The following SHC4 variants were observed in gnomAD, a reference collection of about 807,000 sequenced individuals.
SHC4 encodes SHC-transforming protein 4.
SHC4 carries 41 observed loss-of-function variants against 69.4 expected under a neutral mutation model. The observed-to-expected ratio is 0.59, with a 90% CI of 0.46 to 0.77. The LOEUF is 0.77. Ranked by LOEUF, SHC4 falls within the 30% of genes least tolerant of loss-of-function variation. The probability of loss-of-function intolerance (pLI) is 0.00; values close to 1 mark genes in which losing one functional copy is unlikely to be tolerated. For missense variants in SHC4, 777 were observed against 783.8 expected (o/e 0.99, Z 0.10); for synonymous variants, 318 against 299.3 (o/e 1.06, Z -0.64).
At chr15:48,903,295 A>G (rs2141012599) in intron 2 of SHC4, among the ~76,000 whole-genome samples, 1 of 152,326 alleles carries the variant, frequency 6.6e-6, no homozygotes, top group South Asian at 2.1e-4. Flanking sequence ...TACTTTGGCC[A>G]CAAAGCTCTC....
At chr15:48,937,306 T>C (rs1048867445) in intron 1 of SHC4, among the ~76,000 whole-genome samples, 1 of 152,148 alleles carries the variant, frequency 6.6e-6, no homozygotes, top group Non-Finnish European at 1.5e-5. Context: ...AAGTGAATTC[T>C]CTCACCTTGG....
At chr15:48,874,309 G>C (rs919926260) in intron 4 of SHC4, among the ~76,000 whole-genome samples, 1 of 152,100 alleles carries the variant, frequency 6.6e-6, no homozygotes. Context: ...GCAGCAGTCA[G>C]CCAGAAATCA....
At chr15:48,935,789 G>C (rs566973020) in intron 1 of SHC4, among the ~76,000 whole-genome samples, 1 of 152,292 alleles carries the variant, frequency 6.6e-6, no homozygotes, top group East Asian at 1.9e-4. Context: ...TGGACAGAGA[G>C]ATGAGCTGCT....
At chr15:48,875,727 G>T (rs553691176) in intron 4 of SHC4, among the ~76,000 whole-genome samples, 1 of 152,144 alleles carries the variant, frequency 6.6e-6, no homozygotes, top group East Asian at 1.9e-4. Flanking sequence ...ATTTTGCATC[G>T]GTATATGCAT....
chr15:48,948,918 T>C (rs1901321373), intron 1 of SHC4, among the ~76,000 whole-genome samples: 1 of 151,576 alleles, frequency 6.6e-6, no homozygotes, highest in Admixed American at 6.6e-5. Context: ...AAAAGAAAAA[T>C]CACACACCTC....
intron 3 of SHC4, among the ~76,000 whole-genome samples, chr15:48,885,166 G>A (rs2141003039): frequency 6.6e-6 from 1 of 152,284 alleles, no homozygotes; most frequent in African/African-American, 2.4e-5. Flanking sequence ...GGGGTACCCA[G>A]GAATTATAAA....
intron 2 of SHC4, among the ~76,000 whole-genome samples, chr15:48,891,619 T>C: frequency 6.6e-6 from 1 of 152,200 alleles, no homozygotes; most frequent in East Asian, 1.9e-4. Context: ...TGAACACATA[T>C]ATTAAACTTC....
chr15:48,880,169 T>C (rs987406356), intron 4 of SHC4: 6 of 167,064 alleles, frequency 3.6e-5, no homozygotes, highest in African/African-American at 1.4e-4. Flanking sequence ...GAATATCCAA[T>C]GCAACAGGAC....
At chr15:48,841,582 C>T (rs967946957) in intron 10 of SHC4, among the ~76,000 whole-genome samples, 17 of 152,180 alleles carry the variant, frequency 1.1e-4, no homozygotes, top group Admixed American at 3.9e-4. Context: ...GGGCTATATA[C>T]GCTCAGCCAT....
chr15:48,908,179 G>A (rs754244831), intron 2 of SHC4, among the ~76,000 whole-genome samples: 6 of 152,082 alleles, frequency 3.9e-5, no homozygotes, highest in African/African-American at 7.2e-5. Flanking sequence ...CAGTGTAGAC[G>A]TGTTCCCTCT....
Position 48,962,800 on chromosome 15 carries a change from G to A in SHC4, c.216C>T (p.Ala72=). 1.2e-6 allele frequency: 2 copies of A among 1,612,602 alleles called. No individual in the cohort carries two copies. The highest frequency in any genetic ancestry group is 1.7e-6 in the Non-Finnish European group (2 of 1,179,894). Reference sequence around the variant, plus strand: ...TGGGGCTCTCCTGCGACGGCAAGGTGGCATCTTCAGTCGGCAGGTGAGGTG... The same window carrying A: ...TGGGGCTCTCCTGCGACGGCAAGGTAGCATCTTCAGTCGGCAGGTGAGGTG... The part of the protein sequence containing the change: ...ALAPHLPTED[A]TLPSQESPTP... The change falls in exon 1 of 12, where the codon GCC becomes GCT. Residue 72 remains alanine, a synonymous_variant. Coordinates refer to ENST00000332408, the MANE Select transcript of SHC4 (RefSeq NM_203349.4).
At chr15:48,913,125 A>G (rs886813902) in intron 2 of SHC4, among the ~76,000 whole-genome samples, 1 of 150,496 alleles carries the variant, frequency 6.6e-6, no homozygotes, top group Non-Finnish European at 1.5e-5. Flanking sequence ...TAGTATAGAG[A>G]GGAGCCCTTA....
In SHC4 at chr15:48,856,684, A is replaced by G. The variant is rs1899322494; in HGVS notation, c.1071-560T>C. Among the ~76,000 whole-genome samples, 2 of 152,042 alleles carry G rather than the reference A, an allele frequency of 1.3e-5. 1 individual carries two copies. The highest frequency in any genetic ancestry group is 4.2e-4 in the South Asian group (2 of 4,810). Reference sequence around the variant, plus strand: ...ATATGTGGCAAGTGGGTAGATTTATATAAACATGGAATTGTTTTTAAAATT... The same window carrying G: ...ATATGTGGCAAGTGGGTAGATTTATGTAAACATGGAATTGTTTTTAAAATT... On this transcript the variant is annotated intron_variant, in intron 7 of 11. Coordinates refer to ENST00000332408, the MANE Select transcript of SHC4 (RefSeq NM_203349.4).
chr15:48,948,108 C>T (rs916143249), intron 1 of SHC4: 4 of 152,244 alleles, frequency 2.6e-5, no homozygotes, highest in African/African-American at 9.6e-5. Flanking sequence ...GCCAAGATAT[C>T]TGTTGTATTC....
Position 48,868,671 on chromosome 15 carries a change from A to C in SHC4, c.895-802T>G, listed in dbSNP as rs565619279. ...TTAGAAGTATGACTCTCTAGAGGGA[A>C]GATGCAATCAACTGGCAGGAAATAA... On this transcript the variant is annotated intron_variant, in intron 5 of 11. Coordinates refer to ENST00000332408, the MANE Select transcript of SHC4 (RefSeq NM_203349.4). 5.9e-5 allele frequency among the ~76,000 whole-genome samples: 9 copies of C among 152,320 alleles called. 1 individual carries two copies. The South Asian group carries it at 1.9e-3, about 32-fold the overall frequency.
intron 4 of SHC4, among the ~76,000 whole-genome samples, chr15:48,873,588 C>A (rs895605873): frequency 6.6e-6 from 1 of 151,982 alleles, no homozygotes; most frequent in Admixed American, 6.6e-5. Context: ...ACTAAAAATA[C>A]AAAAAATTAG....
intron 6 of SHC4, among the ~76,000 whole-genome samples, chr15:48,860,157 C>CAT (rs567989311): frequency 6.6e-6 from 1 of 151,294 alleles, no homozygotes; most frequent in Non-Finnish European, 1.5e-5. Flanking sequence ...CAAATAAATA[C>CAT]TTTTTTTTTA....
intron 1 of SHC4, among the ~76,000 whole-genome samples, chr15:48,953,093 C>T (rs571191247): frequency 3.9e-5 from 6 of 152,170 alleles, no homozygotes; most frequent in Non-Finnish European, 7.4e-5. Context: ...GCCATAAAAA[C>T]GAATGAGATC....
At chr15:48,961,449 C>T (rs11070671) in intron 1 of SHC4, among the ~76,000 whole-genome samples, 84,747 of 151,910 alleles carry the variant, frequency 0.56, 24,056 homozygotes, top group Middle Eastern at 0.63. Flanking sequence ...CCCCTTCCTC[C>T]TCCATAAGGC....
Sources: allele counts gnomAD v4.1 joint callset (sites outside exome capture counted in the v4.1 genomes callset), GRCh38; gene constraint gnomAD v4.1.1; transcripts MANE v1.5; gene names NCBI Gene and HGNC (gene_info 2026-07-23, HGNC 2026-07-21).